The following C9 variants were observed in gnomAD, a reference collection of about 807,000 sequenced individuals.
C9 encodes the protein complement component C9.
A neutral mutation model predicts 65.4 loss-of-function variants in C9; 63 were observed. The ratio of observed to expected loss-of-function variants is 0.96; its 90% CI spans 0.79 to 1.19. The LOEUF (loss-of-function observed/expected upper bound fraction) is 1.19, where lower values mean the gene tolerates loss of function less well. Among genes scored for constraint, C9 ranks in the 50% most tolerant of loss-of-function variants. The probability of loss-of-function intolerance (pLI) is 0.00; values close to 1 mark genes in which losing one functional copy is unlikely to be tolerated. For synonymous variants in C9, 229 were observed against 227.9 expected (o/e 1.00, Z -0.04); for missense variants, 744 against 670.1 (o/e 1.11, Z -1.22).
intron 1 of C9, among the ~76,000 whole-genome samples, chr5:39,359,529 G>A (rs377621669): frequency 1.3e-5 from 2 of 152,036 alleles, no homozygotes; most frequent in Non-Finnish European, 2.9e-5. Flanking sequence ...CAAGGGAGTG[G>A]GTCTAGAGTA....
At chr5:39,286,251 C>T (rs756940881) in intron 10 of C9, among the ~76,000 whole-genome samples, 2 of 151,938 alleles carry the variant, frequency 1.3e-5, no homozygotes, top group South Asian at 2.1e-4. Context: ...CCAGGGAAGA[C>T]GGGTTTCCAC....
chr5:39,288,062 A>G (rs1164665307), intron 10 of C9, among the ~76,000 whole-genome samples: 6 of 152,000 alleles, frequency 3.9e-5, no homozygotes, highest in Non-Finnish European at 8.8e-5. Flanking sequence ...AAACACAAAT[A>G]CAGTTAAAAA....
At position 39,341,146 on chromosome 5, in the gene C9, C is replaced by G. The variant is rs1754069376; in HGVS notation, c.476G>C (p.Gly159Ala). ...GAAAAAGTACAAGTAAAATACACAC[C>G]CATAGCCTGCTGTTCGTGCCAGCTC... The part of the protein sequence containing the change: ...ESELARTAGY[G>A]INILGMDPLS... Residue 159 changes from glycine to alanine, a missense_variant and splice_region_variant, in exon 4 of 11, where the codon GGG becomes GCG. Physicochemically the swap from Gly to Ala is moderately conservative, Grantham distance 60 (BLOSUM62 0). Coordinates refer to ENST00000263408, the MANE Select transcript of C9 (RefSeq NM_001737.5). 5 of 1,613,992 alleles carry G rather than the reference C, an allele frequency of 3.1e-6. No individual in the cohort carries two copies. Among genetic ancestry groups the G allele is most frequent in the African/African-American group, 1.3e-5 (1 of 74,908 alleles).
intron 1 of C9, among the ~76,000 whole-genome samples, chr5:39,343,309 A>C (rs964718763): frequency 2.6e-5 from 4 of 152,136 alleles, no homozygotes; most frequent in African/African-American, 9.7e-5. Flanking sequence ...AGCACCTGGA[A>C]AATCGGGTCA....
rs192404953 is a variant in C9, at chr5:39,293,168, C to A, written c.1417-4217G>T. 4.0e-4 allele frequency among the ~76,000 whole-genome samples: 60 copies of A among 151,820 alleles called. No homozygotes were observed. The East Asian group carries it at 0.012, about 29-fold the overall frequency. On this transcript the variant is annotated intron_variant, in intron 9 of 10. Coordinates refer to ENST00000263408, the MANE Select transcript of C9 (RefSeq NM_001737.5). ...AGAAACAAAAGATATTCAGAATAAC[C>A]AGAAAACAATCAATAAAAAGACAGG...
chr5:39,349,752 T>A (rs999156259), intron 1 of C9, among the ~76,000 whole-genome samples: 6 of 152,204 alleles, frequency 3.9e-5, no homozygotes, highest in African/African-American at 1.2e-4. Flanking sequence ...TATTCACCAC[T>A]GTTGCTCTTC....
intron 1 of C9, among the ~76,000 whole-genome samples, chr5:39,361,627 A>G (rs1754523315): frequency 6.6e-6 from 1 of 152,200 alleles, no homozygotes; most frequent in Non-Finnish European, 1.5e-5. Context: ...GCGCAGAGCC[A>G]GTAAATTGTG....
At position 39,307,995 on chromosome 5, in the gene C9, C is replaced by T. The variant is rs181962962; in HGVS notation, c.1240+235G>A. Among the ~76,000 whole-genome samples the T allele has an allele frequency of 1.0e-3, 152 of 152,214 alleles. 3 individuals are homozygous for T. The highest frequency in any genetic ancestry group is 3.4e-3 in the African/African-American group (142 of 41,548). On this transcript the variant is annotated intron_variant, in intron 8 of 10. Coordinates refer to ENST00000263408, the MANE Select transcript of C9 (RefSeq NM_001737.5). ...AAATATACAAGTCTAAAATGACTAC[C>T]GTGTGAATCACACCCCCTTGAGTTG...
intron 6 of C9, among the ~76,000 whole-genome samples, chr5:39,313,735 C>T (rs989224308): frequency 1.2e-4 from 18 of 152,304 alleles, no homozygotes; most frequent in African/African-American, 3.8e-4. Flanking sequence ...TGTACACTAA[C>T]TCTGTTAGTG....
rs190903035 is a variant in C9, at chr5:39,284,202, G to A, written c.*997C>T. ...CAATAAAGTTAACATGATACATACT[G>A]ATGTTTAAGCATTTATTAATTCTCA... is the stretch of plus-strand genomic sequence containing the variant. On this transcript the variant is annotated 3_prime_UTR_variant, in exon 11 of 11. Coordinates refer to ENST00000263408, the MANE Select transcript of C9 (RefSeq NM_001737.5). The A allele has an allele frequency of 6.6e-6, 1 of 152,076 alleles. No individual in the cohort carries two copies. The highest frequency in any genetic ancestry group is 6.5e-5 in the Admixed American group (1 of 15,270). 9.4% of individuals were successfully genotyped at this position (152,076 alleles called of 1,614,324 possible).
intron 1 of C9, among the ~76,000 whole-genome samples, chr5:39,358,438 G>T (rs1389538783): frequency 2.6e-5 from 4 of 152,154 alleles, no homozygotes; most frequent in Non-Finnish European, 5.9e-5. Context: ...AACAGGGAAG[G>T]GTGCAGCTCC....
At chr5:39,299,572 T>A (rs987919458) in intron 9 of C9, among the ~76,000 whole-genome samples, 1 of 152,112 alleles carries the variant, frequency 6.6e-6, no homozygotes, top group African/African-American at 2.4e-5. Flanking sequence ...GGATCTCAAA[T>A]GTGTAACACT....
In C9 at chr5:39,305,830, T is replaced by C. The variant is rs74714101; in HGVS notation, c.1416+787A>G. ...GACCATAAGAATTGTTCACCGTTAG[T>C]CTTATTTTCTTGTAGACTTTATGAA... On this transcript the variant is annotated intron_variant, in intron 9 of 10. Transcript: ENST00000263408. 1.8e-3 allele frequency among the ~76,000 whole-genome samples: 281 copies of C among 152,232 alleles called. 1 individual carries two copies. Among genetic ancestry groups the C allele is most frequent in the African/African-American group, 6.5e-3 (270 of 41,550 alleles).
Position 39,331,683 on chromosome 5 carries a change from A to T in C9, c.608T>A (p.Ile203Asn). 6.2e-7 allele frequency: 1 copy of T among 1,614,032 alleles called. No homozygotes were observed. Among genetic ancestry groups the T allele is most frequent in the East Asian group, 2.2e-5 (1 of 44,880 alleles). ...YRRPWNVASL[I>N]YETKGEKNFR... is the part of the protein sequence containing the mutation. ...TCCTCCGAGGAGACTTACTTCATAG[A>T]TCAAAGAAGCCACGTTCCAAGGTCT... is the stretch of plus-strand genomic sequence containing the variant. Residue 203 changes from isoleucine to asparagine, a missense_variant, in exon 5 of 11, where the codon ATC becomes AAC. Transcript: ENST00000263408.
rs1754478039 is a variant in C9 at position 39,359,522 on chromosome 5, G to A, written c.77+4866C>T. 4.6e-5 allele frequency among the ~76,000 whole-genome samples: 7 copies of A among 152,148 alleles called. 1 individual carries two copies. The South Asian group carries it at 1.5e-3, about 32-fold the overall frequency. ...TTTCATACCACGAGACCGGATGCAA[G>A]GGAGTGGGTCTAGAGTAAAGTGGAG... On this transcript the variant is annotated intron_variant, in intron 1 of 10. Transcript: ENST00000263408.
chr5:39,296,610 AAG>A lies in C9; in HGVS notation c.1417-7661_1417-7660del, dbSNP rs565187003. On this transcript the variant is annotated intron_variant, in intron 9 of 10. Transcript: ENST00000263408. ...CCAATACTGGCATTTATCCAAAGGA[AAG>A]AAAATAAGTATATAAAAGAGACATC... Among the ~76,000 whole-genome samples the A allele has an allele frequency of 8.6e-4, 130 of 151,758 alleles. 1 individual carries two copies. Among genetic ancestry groups the A allele is most frequent in the African/African-American group, 3.0e-3 (124 of 41,530 alleles).
At chr5:39,345,364 G>T (rs889766596) in intron 1 of C9, among the ~76,000 whole-genome samples, 8 of 152,134 alleles carry the variant, frequency 5.3e-5, no homozygotes, top group African/African-American at 1.7e-4. Flanking sequence ...AAAGGCAGGG[G>T]TTGTAATCGT....
chr5:39,329,684 G>C (rs927183502), intron 5 of C9, among the ~76,000 whole-genome samples: 3 of 152,168 alleles, frequency 2.0e-5, no homozygotes, highest in African/African-American at 7.2e-5. Context: ...ACTAAGGCAA[G>C]AGTTAAAAAA....
intron 7 of C9, 127 bp downstream of exon 7, chr5:39,311,010 G>A (rs12522871): frequency 9.8e-7 from 1 of 1,025,624 alleles, no homozygotes; most frequent in African/African-American, 1.6e-5. Context: ...CAGGAAGAGA[G>A]TCCTCTCAAA....
Sources: gnomAD v4.1 joint callset for allele counts (sites outside exome capture counted in the v4.1 genomes callset) on GRCh38, gnomAD v4.1.1 for gene constraint, MANE v1.5 for transcripts, NCBI Gene and HGNC (gene_info 2026-07-23, HGNC 2026-07-21) for gene names.